Variants in NELL1 observed in about 807,000 individuals in gnomAD.
NELL1 encodes neural EGFL like 1.
Under a neutral mutation model 107.4 loss-of-function variants are expected in NELL1, and 76 were observed. That is an observed-to-expected ratio of 0.71 (90% CI 0.59 to 0.86). The LOEUF (loss-of-function observed/expected upper bound fraction) is 0.86, where lower values mean the gene tolerates loss of function less well. Ranked by LOEUF, NELL1 falls within the 40% of genes least tolerant of loss-of-function variation. The pLI is 0.00. For missense variants in NELL1, 1,024 were observed against 1,005.5 expected, an observed-to-expected ratio of 1.02 and a Z score of -0.25; for synonymous variants, 353 against 341.2, an observed-to-expected ratio of 1.03 and a Z score of -0.38.
At chr11:20,867,654 A>G (rs541065390) in intron 4 of NELL1, among the ~76,000 whole-genome samples, 3 of 152,208 alleles carry the variant, frequency 2.0e-5, no homozygotes, top group Admixed American at 6.5e-5. Context: ...TGAAGGATGC[A>G]TAGTATTTGT....
intron 14 of NELL1, among the ~76,000 whole-genome samples, chr11:21,243,804 T>C (rs1045470501): frequency 7.2e-5 from 11 of 152,126 alleles, no homozygotes; most frequent in Admixed American, 6.6e-4. Flanking sequence ...GTGGCTACCA[T>C]AGCCATTGTA....
At chr11:20,861,140 A>G (rs1848970702) in intron 4 of NELL1, among the ~76,000 whole-genome samples, 1 of 152,176 alleles carries the variant, frequency 6.6e-6, no homozygotes, top group African/African-American at 2.4e-5. Flanking sequence ...GGTGCAAAGT[A>G]TTTAAAGATA....
intron 5 of NELL1, among the ~76,000 whole-genome samples, chr11:20,902,256 C>G (rs984664898): frequency 2.0e-5 from 3 of 151,054 alleles, no homozygotes; most frequent in East Asian, 3.9e-4. Flanking sequence ...TGAAGAAATG[C>G]TGCAAATCAA....
At chr11:21,244,833 G>A (rs1858450327) in intron 14 of NELL1, among the ~76,000 whole-genome samples, 1 of 152,164 alleles carries the variant, frequency 6.6e-6, no homozygotes, top group Non-Finnish European at 1.5e-5. Flanking sequence ...TGCTTGGTTG[G>A]AAGTTTGGCT....
At chr11:20,737,004 C>T (rs949222996) in intron 2 of NELL1, among the ~76,000 whole-genome samples, 6 of 152,106 alleles carry the variant, frequency 3.9e-5, no homozygotes, top group African/African-American at 7.2e-5. Context: ...CTGCCTGCCT[C>T]GGCCTCCCAA....
intron 4 of NELL1, among the ~76,000 whole-genome samples, chr11:20,877,728 A>C (rs1849332775): frequency 6.6e-6 from 1 of 152,242 alleles, no homozygotes; most frequent in South Asian, 2.1e-4. Flanking sequence ...CCTCTCAAGC[A>C]GGTTTTACAT....
Position 20,975,963 on chromosome 11 carries a change from T to C in NELL1, c.1300+15403T>C, listed in dbSNP as rs867733438. 1.2e-4 allele frequency among the ~76,000 whole-genome samples: 12 copies of C among 98,530 alleles called. 1 individual carries two copies. The highest frequency in any genetic ancestry group is 3.1e-4 in the South Asian group (1 of 3,278). The allele number at this position is 98,530 out of a possible 152,430, so 64.6% of individuals were successfully genotyped here. A position where few individuals can be genotyped will look rare whatever the true frequency, so the allele number is the denominator to read the frequency against. On this transcript the variant is annotated intron_variant, in intron 12 of 19. Coordinates refer to ENST00000357134, the MANE Select transcript of NELL1 (RefSeq NM_006157.5). ...TGTGTACATATATGTACATTATATA[T>C]ACATTATATATATTATATCTGTACA...
chr11:21,494,416 A>C (rs1329938448), intron 15 of NELL1, among the ~76,000 whole-genome samples: 1 of 151,966 alleles, frequency 6.6e-6, no homozygotes, highest in African/African-American at 2.4e-5. Context: ...CCCTTTTGTC[A>C]CTTATCCTTG....
chr11:21,109,277 G>A (rs1324191884), intron 12 of NELL1, among the ~76,000 whole-genome samples: 1 of 152,030 alleles, frequency 6.6e-6, no homozygotes, highest in Non-Finnish European at 1.5e-5. Flanking sequence ...CCTTTATAAG[G>A]TACGTACTAT....
chr11:20,688,678 A>G (rs997787784), intron 2 of NELL1, among the ~76,000 whole-genome samples: 1 of 152,114 alleles, frequency 6.6e-6, no homozygotes, highest in Admixed American at 6.6e-5. Flanking sequence ...GCTATTGTGA[A>G]TAGTGCTGCA....
In NELL1 at chr11:21,316,837, G is replaced by T. The variant is rs574408572; in HGVS notation, c.1550-54016G>T. On this transcript the variant is annotated intron_variant, in intron 14 of 19. Coordinates refer to ENST00000357134, the MANE Select transcript of NELL1 (RefSeq NM_006157.5). ...TTGTGGGTAGGGCTTCCTCCTGGAG[G>T]TAGAGCTGGGGAAGAGGCAGGGAAA... Among the ~76,000 whole-genome samples, 241 of 152,204 alleles carry T rather than the reference G, an allele frequency of 1.6e-3. 1 individual carries two copies. Among genetic ancestry groups the T allele is most frequent in the African/African-American group, 5.3e-3 (220 of 41,546 alleles).
At position 21,030,031 on chromosome 11, in the gene NELL1, T is replaced by G. The variant is rs375562774; in HGVS notation, c.1300+69471T>G. Among the ~76,000 whole-genome samples the G allele has an allele frequency of 3.9e-5, 6 of 152,222 alleles. No homozygotes were observed. The East Asian group carries it at 1.2e-3, about 29-fold the overall frequency. ...CCAGTACAGAAGTAAATGAAGTGAT[T>G]GGAAGCTCATCACGATATATTAGAT... On this transcript the variant is annotated intron_variant, in intron 12 of 19. Coordinates refer to ENST00000357134, the MANE Select transcript of NELL1 (RefSeq NM_006157.5).
At chr11:21,026,826 A>T (rs79405406) in intron 12 of NELL1, among the ~76,000 whole-genome samples, 3,347 of 152,264 alleles carry the variant, frequency 0.022, 47 homozygotes, top group Middle Eastern at 0.078. Context: ...GAGATTAAGT[A>T]TTTTGCTCAA....
chr11:21,404,494 G>C (rs983735960), intron 15 of NELL1, among the ~76,000 whole-genome samples: 3 of 151,854 alleles, frequency 2.0e-5, no homozygotes, highest in African/African-American at 4.8e-5. Context: ...ATTTTGATTT[G>C]GGTTCACCTA....
chr11:21,047,303 A>C (rs1377456886), intron 12 of NELL1, among the ~76,000 whole-genome samples: 1 of 152,172 alleles, frequency 6.6e-6, no homozygotes, highest in African/African-American at 2.4e-5. Context: ...CATGTTTGAA[A>C]AAATGATAGT....
chr11:20,744,665 C>T (rs933888350), intron 2 of NELL1, among the ~76,000 whole-genome samples: 1 of 152,220 alleles, frequency 6.6e-6, no homozygotes, highest in African/African-American at 2.4e-5. Flanking sequence ...GGCGGTAGCC[C>T]AGGAGGGCAA....
intron 2 of NELL1, among the ~76,000 whole-genome samples, chr11:20,771,338 C>T (rs550251247): frequency 9.1e-4 from 138 of 152,252 alleles, no homozygotes; most frequent in African/African-American, 3.2e-3. Flanking sequence ...TCTCACTGAG[C>T]CTCTGACAGT....
At chr11:21,350,650 T>G (rs1319907862) in intron 14 of NELL1, among the ~76,000 whole-genome samples, 1 of 152,182 alleles carries the variant, frequency 6.6e-6, no homozygotes, top group Admixed American at 6.6e-5. Flanking sequence ...ATTAATTTAT[T>G]CAATAAGGAG....
intron 2 of NELL1, among the ~76,000 whole-genome samples, chr11:20,716,553 A>G (rs554743103): frequency 5.9e-5 from 9 of 152,152 alleles, no homozygotes; most frequent in African/African-American, 2.2e-4. Context: ...ATCCATGTCC[A>G]TGTACGTGTG....
Sources: allele counts gnomAD v4.1 joint callset (sites outside exome capture counted in the v4.1 genomes callset), GRCh38; gene constraint gnomAD v4.1.1; transcripts MANE v1.5; gene names NCBI Gene and HGNC (gene_info 2026-07-23, HGNC 2026-07-21).